Variants in PRIM2 observed in about 807,000 individuals in gnomAD.
The protein encoded by PRIM2 is DNA primase subunit 2.
In PRIM2, 39 loss-of-function variants were observed where a neutral mutation model predicts 67.3. The ratio of observed to expected loss-of-function variants is 0.58; its 90% CI spans 0.45 to 0.76. The LOEUF is 0.76. Among genes scored for constraint, PRIM2 ranks in the 30% least tolerant of loss-of-function variants. The pLI is 0.00. For synonymous variants in PRIM2, 143 were observed against 198.7 expected, an observed-to-expected ratio of 0.72 and a Z score of 2.36; for missense variants, 398 against 598.7, an observed-to-expected ratio of 0.66 and a Z score of 3.50.
At chr6:57,292,350 CACAA>C in the PRIM2 span, among the ~76,000 whole-genome samples, 1 of 152,006 alleles carries the variant, frequency 6.6e-6, no homozygotes, top group Non-Finnish European at 1.5e-5. Context: ...TAAAAGAGGA[CACAA>C]ACAAATGGAA....
intron 7 of PRIM2, among the ~76,000 whole-genome samples, chr6:57,460,509 T>C (rs1490438241): frequency 6.6e-6 from 1 of 152,064 alleles, no homozygotes; most frequent in Non-Finnish European, 1.5e-5. Context: ...GCCAGTTAAA[T>C]ATGATATCTA....
intron 10 of PRIM2, among the ~76,000 whole-genome samples, chr6:57,585,929 G>A: frequency 6.6e-6 from 1 of 152,134 alleles, no homozygotes; most frequent in East Asian, 1.9e-4. Context: ...ACTTCTTAAT[G>A]TCTTGAGATC....
At chr6:57,428,879 C>T (rs1318533706) in intron 7 of PRIM2, among the ~76,000 whole-genome samples, 1 of 152,060 alleles carries the variant, frequency 6.6e-6, no homozygotes, top group African/African-American at 2.4e-5. Flanking sequence ...CATATTTCGC[C>T]AGTTTTAACA....
intron 13 of PRIM2, among the ~76,000 whole-genome samples, chr6:57,633,879 C>T (rs1239018781): frequency 2.0e-5 from 3 of 152,222 alleles, no homozygotes; most frequent in African/African-American, 7.2e-5. Flanking sequence ...CACTGCTCAC[C>T]TCCTGCTGTG....
At chr6:57,421,952 A>G (rs887890475) in intron 7 of PRIM2, among the ~76,000 whole-genome samples, 6 of 152,180 alleles carry the variant, frequency 3.9e-5, no homozygotes, top group African/African-American at 7.2e-5. Context: ...CAGATGAAAG[A>G]TTCAAAAGAT....
the PRIM2 span, among the ~76,000 whole-genome samples, chr6:57,300,226 C>A: frequency 3.3e-5 from 5 of 152,226 alleles, no homozygotes; most frequent in African/African-American, 1.2e-4. Context: ...GCTTTTCAGC[C>A]CTTATAGTTG....
chr6:57,296,963 T>C, the PRIM2 span, among the ~76,000 whole-genome samples: 1 of 152,190 alleles, frequency 6.6e-6, no homozygotes, highest in East Asian at 1.9e-4. Context: ...AAATTGGGCA[T>C]AATTTAAACA....
intron 10 of PRIM2, among the ~76,000 whole-genome samples, chr6:57,564,563 T>C (rs1235548985): frequency 1.3e-5 from 2 of 152,312 alleles, no homozygotes; most frequent in East Asian, 3.9e-4. Context: ...TTGTTTACTT[T>C]TATTATGGGC....
At chr6:57,241,874 A>T in the PRIM2 span, among the ~76,000 whole-genome samples, 2 of 151,920 alleles carry the variant, frequency 1.3e-5, no homozygotes, top group South Asian at 4.2e-4. Flanking sequence ...GGGTTTCACC[A>T]TGTTAGCCAG....
chr6:57,374,509 G>T (rs1769687070), intron 5 of PRIM2, among the ~76,000 whole-genome samples: 3 of 151,292 alleles, frequency 2.0e-5, no homozygotes, highest in Non-Finnish European at 4.4e-5. Flanking sequence ...AGCCAGGATG[G>T]TCTCGATCTC....
chr6:57,573,483 C>A (rs1241108203), intron 10 of PRIM2, among the ~76,000 whole-genome samples: 6 of 151,862 alleles, frequency 4.0e-5, no homozygotes, highest in Non-Finnish European at 8.8e-5. Context: ...TCAGGAACAG[C>A]ATTTCTTTAT....
At chr6:57,443,819 T>TA (rs112737603) in intron 7 of PRIM2, among the ~76,000 whole-genome samples, 10 of 149,308 alleles carry the variant, frequency 6.7e-5, no homozygotes, top group South Asian at 2.1e-4. Flanking sequence ...GGGGTCAAAT[T>TA]AAAAAAAAAA....
chr6:57,302,536 A>G, the PRIM2 span, among the ~76,000 whole-genome samples: 1 of 152,196 alleles, frequency 6.6e-6, no homozygotes, highest in Non-Finnish European at 1.5e-5. Flanking sequence ...CATCACTAAG[A>G]CATTTTATGT....
chr6:57,365,318 A>T (rs1210233086), intron 5 of PRIM2, among the ~76,000 whole-genome samples: 1 of 150,986 alleles, frequency 6.6e-6, no homozygotes, highest in Non-Finnish European at 1.5e-5. Flanking sequence ...TCTTAATTGC[A>T]TGTTTTCCCT....
chr6:57,412,225 A>G (rs1354221227), intron 7 of PRIM2, among the ~76,000 whole-genome samples: 1 of 152,056 alleles, frequency 6.6e-6, no homozygotes, highest in Non-Finnish European at 1.5e-5. Context: ...AACATGCACA[A>G]GCATTTTCTC....
At chr6:57,473,912 GA>G (rs1773400429) in intron 7 of PRIM2, among the ~76,000 whole-genome samples, 1 of 151,502 alleles carries the variant, frequency 6.6e-6, no homozygotes, top group Non-Finnish European at 1.5e-5. Flanking sequence ...TTTTCTCTGT[GA>G]ATATTTAAAA....
intron 10 of PRIM2, among the ~76,000 whole-genome samples, chr6:57,545,020 A>G (rs1581981748): frequency 1.3e-5 from 2 of 152,166 alleles, no homozygotes; most frequent in East Asian, 3.8e-4. Flanking sequence ...TTTTAGATAG[A>G]GCTGTTTCTA....
At chr6:57,630,851 A>T (rs1278317136) in intron 12 of PRIM2, among the ~76,000 whole-genome samples, 3 of 152,198 alleles carry the variant, frequency 2.0e-5, no homozygotes, top group African/African-American at 7.2e-5. Context: ...GTTACTTGGA[A>T]AACTTGCAGA....
chr6:57,534,751 G>A (rs1774965786), intron 9 of PRIM2, among the ~76,000 whole-genome samples: 1 of 152,012 alleles, frequency 6.6e-6, no homozygotes, highest in Non-Finnish European at 1.5e-5. Flanking sequence ...GCTCCATTCC[G>A]GCTCATTCAC....
Sources: allele counts gnomAD v4.1 joint callset (sites outside exome capture counted in the v4.1 genomes callset), GRCh38; gene constraint gnomAD v4.1.1; transcripts MANE v1.5; gene names NCBI Gene and HGNC (gene_info 2026-07-23, HGNC 2026-07-21).